The following NCK1 variants were observed in gnomAD, a reference collection of about 807,000 sequenced individuals.
NCK1 encodes the protein SH2/SH3 adapter protein NCK1.
A neutral mutation model predicts 36.6 loss-of-function variants in NCK1; 19 were observed. That is an observed-to-expected ratio of 0.52 (90% CI 0.36 to 0.76). The LOEUF is 0.76. Ranked by LOEUF, NCK1 falls within the 30% of genes least tolerant of loss-of-function variation. The pLI, the probability that NCK1 is intolerant of heterozygous loss-of-function variation, is 0.00. For synonymous variants in NCK1, 165 were observed against 156.0 expected, an observed-to-expected ratio of 1.06 and a Z score of -0.43; for missense variants, 358 against 445.6, an observed-to-expected ratio of 0.80 and a Z score of 1.77.
intron 1 of NCK1, among the ~76,000 whole-genome samples, chr3:136,872,846 G>A (rs902276793): frequency 6.6e-6 from 1 of 152,228 alleles, no homozygotes; most frequent in Admixed American, 6.5e-5. Context: ...CTGCAATGTG[G>A]TGTTGATGCT....
intron 1 of NCK1, among the ~76,000 whole-genome samples, chr3:136,876,678 C>T (rs1462160318): frequency 3.9e-5 from 6 of 151,940 alleles, no homozygotes; most frequent in Admixed American, 3.3e-4. Flanking sequence ...AAAGAATATA[C>T]GTATTTTTTT....
chr3:136,894,801 T>A (rs543678414), intron 1 of NCK1, among the ~76,000 whole-genome samples: 6 of 152,316 alleles, frequency 3.9e-5, no homozygotes, highest in Admixed American at 3.3e-4. Flanking sequence ...TGATCCTAAA[T>A]TTTGCTAGAT....
chr3:136,872,117 G>A (rs1003997857), intron 1 of NCK1, among the ~76,000 whole-genome samples: 2 of 152,212 alleles, frequency 1.3e-5, no homozygotes, highest in Non-Finnish European at 2.9e-5. Flanking sequence ...GCAGAGGTTG[G>A]AACAGTTTGA....
intron 1 of NCK1, among the ~76,000 whole-genome samples, chr3:136,896,017 A>G (rs566282129): frequency 1.4e-4 from 21 of 150,440 alleles, no homozygotes; most frequent in Non-Finnish European, 2.8e-4. Flanking sequence ...TTTTTTATTG[A>G]TATATAATAT....
At chr3:136,871,092 AT>A (rs147952446) in intron 1 of NCK1, among the ~76,000 whole-genome samples, 1 of 151,552 alleles carries the variant, frequency 6.6e-6, no homozygotes, top group Non-Finnish European at 1.5e-5. Context: ...AAGCTTACTA[AT>A]TTTTTTTTAA....
At chr3:136,946,406 C>G in intron 3 of NCK1, 111 bp downstream of exon 3, 2 of 872,952 alleles carry the variant, frequency 2.3e-6, no homozygotes, top group Non-Finnish European at 1.8e-6. Context: ...AGGTAACAAG[C>G]TGGGACGTAA....
At chr3:136,902,296 C>G (rs1202631238) in intron 1 of NCK1, among the ~76,000 whole-genome samples, 1 of 150,648 alleles carries the variant, frequency 6.6e-6, no homozygotes, top group Non-Finnish European at 1.5e-5. Flanking sequence ...CTCCTGGGTT[C>G]AAGCAGTTCT....
chr3:136,874,589 G>C (rs944543161), intron 1 of NCK1, among the ~76,000 whole-genome samples: 1 of 152,092 alleles, frequency 6.6e-6, no homozygotes, highest in African/African-American at 2.4e-5. Flanking sequence ...TGCTTGATCT[G>C]GCCCTCTATG....
At chr3:136,910,973 A>G (rs543643147) in intron 1 of NCK1, among the ~76,000 whole-genome samples, 1 of 152,112 alleles carries the variant, frequency 6.6e-6, no homozygotes, top group South Asian at 2.1e-4. Context: ...CTCTACTTCT[A>G]TGAGTTCAAC....
rs1428458130 is a variant in NCK1 at position 136,950,655 on chromosome 3, T to G, written c.*2202T>G. Among the ~76,000 whole-genome samples, 1 of 152,148 alleles carries G rather than the reference T, an allele frequency of 6.6e-6. No homozygotes were observed. The highest frequency in any genetic ancestry group is 1.5e-5 in the Non-Finnish European group (1 of 67,992). The stretch of plus-strand genomic sequence containing the variant: ...ACTCTACATAGCTAGATAGTAACAA[T>G]ACTTGTATAAGAAACCAAGTTTCCT... On this transcript the variant is annotated 3_prime_UTR_variant, in exon 4 of 4. Transcript: ENST00000481752.
intron 1 of NCK1, among the ~76,000 whole-genome samples, chr3:136,925,063 A>T (rs1167381223): frequency 1.3e-5 from 2 of 152,226 alleles, no homozygotes; most frequent in African/African-American, 2.4e-5. Flanking sequence ...AGGATTCATT[A>T]TACTATTCTC....
intron 1 of NCK1, among the ~76,000 whole-genome samples, chr3:136,875,303 T>C (rs966049986): frequency 2.0e-5 from 3 of 152,082 alleles, no homozygotes; most frequent in Admixed American, 1.3e-4. Flanking sequence ...TTTCTAGATA[T>C]ACAATCATGT....
In NCK1 at chr3:136,918,384, A is replaced by G. The variant is rs1940018642; in HGVS notation, c.-18-9600A>G. 1.3e-5 allele frequency among the ~76,000 whole-genome samples: 2 copies of G among 152,206 alleles called. 1 individual carries two copies. The highest frequency in any genetic ancestry group is 4.1e-4 in the South Asian group (2 of 4,830). On this transcript the variant is annotated intron_variant, in intron 1 of 3. Transcript: ENST00000481752. The stretch of plus-strand genomic sequence containing the variant: ...ATTAAAATATACAAACAAAAAACCC[A>G]ATACAGTGAAACAACTATTCACATT...
At chr3:136,932,318 A>T (rs750793845) in intron 2 of NCK1, among the ~76,000 whole-genome samples, 4 of 152,056 alleles carry the variant, frequency 2.6e-5, no homozygotes, top group Non-Finnish European at 5.9e-5. Flanking sequence ...CCAAATTTTT[A>T]TTTATTTTGC....
chr3:136,902,635 G>GA (rs1939575314), intron 1 of NCK1, among the ~76,000 whole-genome samples: 1 of 152,128 alleles, frequency 6.6e-6, no homozygotes. Context: ...CTGATGAAAA[G>GA]AATGTGTTCA....
chr3:136,875,657 T>C (rs1463484030), intron 1 of NCK1, among the ~76,000 whole-genome samples: 1 of 150,794 alleles, frequency 6.6e-6, no homozygotes, highest in Non-Finnish European at 1.5e-5. Flanking sequence ...ATAAAGCAAG[T>C]CCTGAGTGAC....
rs1198947520 is a variant in NCK1 at position 136,949,805 on chromosome 3, T to C, written c.*1352T>C. On this transcript the variant is annotated 3_prime_UTR_variant, in exon 4 of 4. Coordinates refer to ENST00000481752, the MANE Select transcript of NCK1 (RefSeq NM_001291999.2). Reference sequence around the variant, plus strand: ...AAATAGATATCTAATACGCCAGAATTACTGATGGTAAAATTGAAGTTGTGT... The same window carrying C: ...AAATAGATATCTAATACGCCAGAATCACTGATGGTAAAATTGAAGTTGTGT... The C allele has an allele frequency of 6.6e-6, 1 of 151,632 alleles. No homozygotes were observed. Among genetic ancestry groups the C allele is most frequent in the Non-Finnish European group, 1.5e-5 (1 of 67,806 alleles). 9.4% of individuals were successfully genotyped at this position (151,632 alleles called of 1,614,324 possible).
intron 1 of NCK1, among the ~76,000 whole-genome samples, chr3:136,871,331 G>A (rs375222376): frequency 9.4e-4 from 143 of 152,018 alleles, no homozygotes; most frequent in Non-Finnish European, 1.1e-3. Flanking sequence ...CCAAGAGGTC[G>A]AGGCTGCAGT....
intron 1 of NCK1, among the ~76,000 whole-genome samples, chr3:136,870,853 C>T (rs934165435): frequency 6.6e-6 from 1 of 152,026 alleles, no homozygotes; most frequent in Non-Finnish European, 1.5e-5. Context: ...GCAGATGGCT[C>T]CTTTAGGTTA....
Sources: gnomAD v4.1 joint callset for allele counts (sites outside exome capture counted in the v4.1 genomes callset) on GRCh38, gnomAD v4.1.1 for gene constraint, MANE v1.5 for transcripts, NCBI Gene and HGNC (gene_info 2026-07-23, HGNC 2026-07-21) for gene names.